The following TENM3 variants were observed in gnomAD, a reference collection of about 807,000 sequenced individuals.
TENM3 encodes teneurin-3.
Under a neutral mutation model 255.1 loss-of-function variants are expected in TENM3, and 63 were observed. That is an observed-to-expected ratio of 0.25 (90% CI 0.20 to 0.30). The LOEUF is 0.30. TENM3 is among the 10% of genes least tolerant of loss of function. TENM3 has a pLI of 1.00. For synonymous variants in TENM3, 1,306 were observed against 1,322.3 expected (o/e 0.99, Z 0.27); for missense variants, 2,929 against 3,461.1 (o/e 0.85, Z 3.86).
chr4:181,945,338 G>A, the TENM3 span, among the ~76,000 whole-genome samples: 23 of 152,094 alleles, frequency 1.5e-4, no homozygotes, highest in African/African-American at 5.1e-4. Context: ...GAATAGAGTG[G>A]AGAACAGCAC....
the TENM3 span, among the ~76,000 whole-genome samples, chr4:182,107,516 G>A: frequency 5.9e-5 from 9 of 152,182 alleles, no homozygotes; most frequent in South Asian, 2.1e-4. Context: ...AACTGGAAGC[G>A]AAAAGTGGGG....
intron 11 of TENM3, among the ~76,000 whole-genome samples, 198 bp from the exon 12 acceptor site, chr4:182,687,967 GA>G (rs1253214187): frequency 3.5e-4 from 54 of 152,276 alleles, no homozygotes; most frequent in African/African-American, 1.2e-3. Context: ...GATGAATAAA[GA>G]CGTAGAGTTC....
chr4:181,871,719 A>T, the TENM3 span, among the ~76,000 whole-genome samples: 2 of 152,132 alleles, frequency 1.3e-5, no homozygotes, highest in Admixed American at 1.3e-4. Flanking sequence ...GTTTTCTCAG[A>T]CTAAGGAGGT....
intron 1 of TENM3, among the ~76,000 whole-genome samples, chr4:182,294,297 G>GAT (rs147134230): frequency 0.023 from 3,478 of 152,252 alleles, 59 homozygotes; most frequent in Non-Finnish European, 0.031. Flanking sequence ...CTAGATTGAA[G>GAT]ATCTCCAGAC....
the TENM3 span, among the ~76,000 whole-genome samples, chr4:181,587,050 T>G: frequency 6.6e-6 from 1 of 152,158 alleles, no homozygotes; most frequent in African/African-American, 2.4e-5. Context: ...TCTCCACCAT[T>G]TCTACTGTAT....
At chr4:181,835,516 G>T in the TENM3 span, among the ~76,000 whole-genome samples, 4 of 152,142 alleles carry the variant, frequency 2.6e-5, no homozygotes, top group Non-Finnish European at 5.9e-5. Flanking sequence ...ATCACAAAAA[G>T]ACAACTTACC....
intron 12 of TENM3, among the ~76,000 whole-genome samples, 193 bp from the exon 13 acceptor site, chr4:182,713,894 T>C (rs1272715036): frequency 1.3e-5 from 2 of 152,160 alleles, no homozygotes; most frequent in African/African-American, 2.4e-5. Flanking sequence ...GTCTCAAGGG[T>C]CAGGCCAATC....
chr4:182,504,273 A>C (rs1359602935), intron 3 of TENM3, among the ~76,000 whole-genome samples: 3 of 151,830 alleles, frequency 2.0e-5, no homozygotes, highest in Non-Finnish European at 4.4e-5. Context: ...CTTCACTATT[A>C]TTAAAGGCTC....
chr4:182,507,052 T>TA (rs1354936785), intron 3 of TENM3, among the ~76,000 whole-genome samples: 1 of 152,088 alleles, frequency 6.6e-6, no homozygotes, highest in Non-Finnish European at 1.5e-5. Flanking sequence ...AGTAGAGCTC[T>TA]AAAGTAGGTC....
At chr4:181,487,982 A>G in the TENM3 span, among the ~76,000 whole-genome samples, 1 of 152,246 alleles carries the variant, frequency 6.6e-6, no homozygotes, top group Non-Finnish European at 1.5e-5. Context: ...AAAAATGTCT[A>G]GTTCCAACCA....
chr4:182,286,579 C>T (rs1464547035), intron 1 of TENM3, among the ~76,000 whole-genome samples: 1 of 152,210 alleles, frequency 6.6e-6, no homozygotes, highest in Non-Finnish European at 1.5e-5. Context: ...TGGGTGGTGA[C>T]TGTTGGGAGC....
intron 12 of TENM3, among the ~76,000 whole-genome samples, chr4:182,702,708 T>C (rs1346695702): frequency 6.6e-6 from 1 of 151,796 alleles, no homozygotes; most frequent in African/African-American, 2.4e-5. Flanking sequence ...ATCAGAACCA[T>C]GTGAGCGATT....
chr4:182,132,561 G>T, the TENM3 span, among the ~76,000 whole-genome samples: 1 of 152,132 alleles, frequency 6.6e-6, no homozygotes, highest in Non-Finnish European at 1.5e-5. Flanking sequence ...AGGAAGATGA[G>T]TAAAGTTGCT....
At chr4:182,700,298 C>G (rs1314267090) in intron 12 of TENM3, among the ~76,000 whole-genome samples, 1 of 152,052 alleles carries the variant, frequency 6.6e-6, no homozygotes, top group East Asian at 1.9e-4. Context: ...TATGATTATC[C>G]CTTCCCACAT....
chr4:182,569,486 G>A (rs1420650899), intron 3 of TENM3, among the ~76,000 whole-genome samples: 3 of 151,840 alleles, frequency 2.0e-5, no homozygotes, highest in Admixed American at 6.6e-5. Context: ...CCTGGGAGGC[G>A]GAGGTTGCAG....
chr4:182,162,479 G>A (rs1237203180), intron 1 of TENM3, among the ~76,000 whole-genome samples: 1 of 152,154 alleles, frequency 6.6e-6, no homozygotes, highest in Non-Finnish European at 1.5e-5. Flanking sequence ...CGGAACTCAA[G>A]GAAGAGAGAG....
the TENM3 span, among the ~76,000 whole-genome samples, chr4:181,481,023 A>T: frequency 6.6e-6 from 1 of 151,854 alleles, no homozygotes; most frequent in Non-Finnish European, 1.5e-5. Flanking sequence ...GACTAGAATA[A>T]AATTGACTTA....
the TENM3 span, among the ~76,000 whole-genome samples, chr4:181,461,228 T>C: frequency 6.6e-6 from 1 of 152,266 alleles, no homozygotes; most frequent in African/African-American, 2.4e-5. Flanking sequence ...TCATAGCTGC[T>C]GTCGCAAAGT....
rs754979238 is a variant in TENM3, at chr4:182,754,518, G to A, written c.4151G>A (p.Cys1384Tyr). The A allele has an allele frequency of 1.2e-6, 2 of 1,613,924 alleles. No homozygotes were observed. The highest frequency in any genetic ancestry group is 8.5e-7 in the Non-Finnish European group (1 of 1,179,842). ...ATTGCTGCTGGACGGCCCATGCACT[G>A]TCAGGTTCCCGGAGTGGAATATCCT... ...VRIAAGRPMH[C>Y]QVPGVEYPVG... The change falls in exon 22 of 28, where the codon TGT becomes TAT. Residue 1384 changes from cysteine (C) to tyrosine (Y), a missense_variant. Physicochemically the swap from Cys to Tyr is radical, Grantham distance 194. Around this residue, in one of 6 missense-constraint regions of TENM3, gnomAD observed 1,608 missense variants for 1,884.4 expected, o/e 0.85. Coordinates refer to ENST00000511685, the MANE Select transcript of TENM3 (RefSeq NM_001080477.4). The surrounding 1 kb of genome is among the most constrained non-coding windows in gnomAD (Gnocchi z 5.1).
Sources: allele counts gnomAD v4.1 joint callset (sites outside exome capture counted in the v4.1 genomes callset), GRCh38; gene constraint gnomAD v4.1.1; regional missense constraint gnomAD v4.1.1; non-coding constraint Gnocchi (gnomAD v3.1); transcripts MANE v1.5; gene names NCBI Gene and HGNC (gene_info 2026-07-23, HGNC 2026-07-21).